The following TLR5 variants were observed in gnomAD, a reference collection of about 807,000 sequenced individuals.
The protein encoded by TLR5 is toll like receptor 5, also known as toll-like receptor 5.
For synonymous variants in TLR5, 373 were observed against 384.4 expected, an observed-to-expected ratio of 0.97 and a Z score of 0.35; for missense variants, 944 against 999.8, an observed-to-expected ratio of 0.94 and a Z score of 0.75.
intron 4 of TLR5, 66 bp downstream of exon 4, chr1:223,134,615 GA>G (rs1362863607): frequency 1.3e-5 from 2 of 152,288 alleles, no homozygotes; most frequent in Non-Finnish European, 2.9e-5. Flanking sequence ...TATTAAAAAC[GA>G]ACAACTAGCA....
At chr1:223,139,211 G>T (rs576263313) in intron 2 of TLR5, among the ~76,000 whole-genome samples, 1 of 152,272 alleles carries the variant, frequency 6.6e-6, no homozygotes, top group South Asian at 2.1e-4. Context: ...TCCCCTTCCA[G>T]ATGTCTCTAG....
At chr1:223,141,985 C>T (rs1428925206) in intron 1 of TLR5, among the ~76,000 whole-genome samples, 1 of 152,086 alleles carries the variant, frequency 6.6e-6, no homozygotes, top group Admixed American at 6.5e-5. Context: ...CCCCACAGAA[C>T]TTCTCCCAGG....
chr1:223,137,950 A>ATTTTTTTTTTTTTTTTT (rs3044335), intron 2 of TLR5, among the ~76,000 whole-genome samples: 2 of 84,538 alleles, frequency 2.4e-5, no homozygotes, highest in East Asian at 4.4e-4. Flanking sequence ...GGCTTTTTAA[A>ATTTTTTTTTTTTTTTTT]TTTTTTTTTT....
At chr1:223,115,287 T>C (rs1200141883) in intron 5 of TLR5, among the ~76,000 whole-genome samples, 1 of 152,356 alleles carries the variant, frequency 6.6e-6, no homozygotes, top group East Asian at 1.9e-4. Flanking sequence ...TCTCACACTG[T>C]CACCCAGGCT....
intron 5 of TLR5, among the ~76,000 whole-genome samples, chr1:223,117,844 A>T (rs1384383336): frequency 1.3e-5 from 2 of 152,242 alleles, no homozygotes; most frequent in Non-Finnish European, 2.9e-5. Flanking sequence ...CAATGAAAAG[A>T]GCCAAACTGT....
chr1:223,142,972 C>G lies in TLR5; in HGVS notation c.-555+224G>C, dbSNP rs542660760. ...GCACAGGGCACCCACATGACACGCT[C>G]ACCCCGTCCCTGGGCCGAGGGACCC... On this transcript the variant is annotated intron_variant, in intron 1 of 5. Coordinates refer to ENST00000642603, the MANE Select transcript of TLR5 (RefSeq NM_003268.6). Among the ~76,000 whole-genome samples, 3 of 152,322 alleles carry G rather than the reference C, an allele frequency of 2.0e-5. No individual in the cohort carries two copies. The East Asian group carries it at 5.8e-4, about 29-fold the overall frequency.
In TLR5 at chr1:223,112,188, AT is replaced by A. The variant is rs746717024; in HGVS notation, c.843del (p.Phe282LeufsTer9). 17 of 1,614,196 alleles carry A rather than the reference AT, an allele frequency of 1.1e-5. No homozygotes were observed. In the Admixed American group the frequency reaches 2.7e-4, roughly 25 times the overall value. Reference protein sequence around the residue: ...FHNIKDPDQNTFAGLARSSVR... With the variant: ...FHNIKDPDQNXFAGLARSSVR... ...ACTGAACTTCTGGCCAGGCCAGCAAATGTGTTCTGGTCAGGATCTTTGATGT... is the reference window on the plus strand; with the variant it reads ...ACTGAACTTCTGGCCAGGCCAGCAAAGTGTTCTGGTCAGGATCTTTGATGT... On this transcript the variant is annotated frameshift_variant, in exon 6 of 6. Transcript: ENST00000642603. LOFTEE classifies it low-confidence loss of function (END_TRUNC).
intron 5 of TLR5, among the ~76,000 whole-genome samples, chr1:223,115,709 T>TG (rs1489020791): frequency 6.6e-6 from 1 of 151,894 alleles, no homozygotes; most frequent in Non-Finnish European, 1.5e-5. Context: ...GAAAGTAAAG[T>TG]GGGAAAAAGG....
At chr1:223,133,859 G>A (rs1396371783) in intron 4 of TLR5, among the ~76,000 whole-genome samples, 2 of 152,284 alleles carry the variant, frequency 1.3e-5, no homozygotes, top group African/African-American at 4.8e-5. Context: ...CGCAAAAGGG[G>A]CAGGGACCGA....
chr1:223,112,834 G>A lies in TLR5; in HGVS notation c.198C>T (p.Phe66=), dbSNP rs55740004. 60 of 1,612,780 alleles carry A rather than the reference G, an allele frequency of 3.7e-5. No homozygotes were observed. The highest frequency in any genetic ancestry group is 5.1e-5 in the Non-Finnish European group (60 of 1,179,280). ...NYIRTVTASS[F]PFLEQLQLLE... ...GCAGCTGCAGCTGTTCCAGAAAGGG[G>A]AAGGATGAAGCAGTGACTGTCCTGA... Residue 66 remains phenylalanine (F), a synonymous_variant, in exon 6 of 6, where the codon TTC becomes TTT. Coordinates refer to ENST00000642603, the MANE Select transcript of TLR5 (RefSeq NM_003268.6).
chr1:223,114,103 C>T (rs1398085692), intron 5 of TLR5, among the ~76,000 whole-genome samples: 3 of 152,174 alleles, frequency 2.0e-5, no homozygotes. Flanking sequence ...GCCTAGTGCT[C>T]GCCTGGCAGC....
chr1:223,111,986 C>A lies in TLR5; in HGVS notation c.1046G>T (p.Gly349Val). The A allele has an allele frequency of 6.2e-7, 1 of 1,614,050 alleles. No homozygotes were observed. The highest frequency in any genetic ancestry group is 8.5e-7 in the Non-Finnish European group (1 of 1,180,010). The change falls in exon 6 of 6, where the codon GGG (glycine) becomes GTG (valine). Residue 349 changes from glycine (G) to valine (V), a missense_variant. Physicochemically the swap from Gly to Val is moderately radical, Grantham distance 109. Coordinates refer to ENST00000642603, the MANE Select transcript of TLR5 (RefSeq NM_003268.6). ...QVLNLSYNLLGELYSSNFYGL... is the reference protein window; with the variant it reads ...QVLNLSYNLLVELYSSNFYGL... ...ATAGAAATTCGAACTGTAAAGTTCC[C>A]CCAGAAGGTTATATGACAAATTGAG...
At chr1:223,115,228 C>T (rs1656567333) in intron 5 of TLR5, among the ~76,000 whole-genome samples, 1 of 152,098 alleles carries the variant, frequency 6.6e-6, no homozygotes, top group South Asian at 2.1e-4. Context: ...TTGCTGAGCA[C>T]CCATTATGTG....
chr1:223,114,955 C>T (rs145800967), intron 5 of TLR5, among the ~76,000 whole-genome samples: 1,949 of 152,266 alleles, frequency 0.013, 19 homozygotes, highest in Non-Finnish European at 0.021. Flanking sequence ...TGTAAGCCGC[C>T]GCCATCTCTT....
chr1:223,140,044 C>A (rs5744120), intron 2 of TLR5, among the ~76,000 whole-genome samples: 2 of 152,132 alleles, frequency 1.3e-5, no homozygotes, highest in South Asian at 2.1e-4. Flanking sequence ...ATGGACAATA[C>A]GGAGCTTCAA....
rs1272393189 is a variant in TLR5, at chr1:223,109,571, A to T, written c.*884T>A. ...CCTTGGCCAATTTAATTTTCACAGG[A>T]ATTCTATGACATAGATGCTGTTACG... On this transcript the variant is annotated 3_prime_UTR_variant, in exon 6 of 6. Coordinates refer to ENST00000642603, the MANE Select transcript of TLR5 (RefSeq NM_003268.6). The T allele has an allele frequency of 6.6e-6, 1 of 152,182 alleles. No individual in the cohort carries two copies. Among genetic ancestry groups the T allele is most frequent in the Non-Finnish European group, 1.5e-5 (1 of 68,054 alleles). 9.4% of individuals were successfully genotyped at this position (152,182 alleles called of 1,614,324 possible).
intron 2 of TLR5, among the ~76,000 whole-genome samples, chr1:223,140,068 A>G (rs181370659): frequency 6.6e-6 from 1 of 152,296 alleles, no homozygotes. Flanking sequence ...AGGTCTATGC[A>G]AGGACCAATG....
intron 2 of TLR5, among the ~76,000 whole-genome samples, chr1:223,137,495 TTAG>T: frequency 6.6e-6 from 1 of 152,264 alleles, no homozygotes. Flanking sequence ...ACTAGCACTA[TTAG>T]GAAGGAAAGT....
chr1:223,133,610 T>C (rs1657478985), intron 4 of TLR5, among the ~76,000 whole-genome samples: 1 of 152,202 alleles, frequency 6.6e-6, no homozygotes. Flanking sequence ...ATGGCTAAGA[T>C]GCTGCACGAT....
Sources: gnomAD v4.1 joint callset for allele counts (sites outside exome capture counted in the v4.1 genomes callset) on GRCh38, gnomAD v4.1.1 for gene constraint, MANE v1.5 for transcripts, NCBI Gene and HGNC (gene_info 2026-07-23, HGNC 2026-07-21) for gene names.